The following CD96 variants were observed in gnomAD, a reference collection of about 807,000 sequenced individuals.
The protein encoded by CD96 is T-cell surface protein tactile.
CD96 carries 70 observed loss-of-function variants against 71.3 expected under a neutral mutation model. That is an observed-to-expected ratio of 0.98 (90% CI 0.81 to 1.20). The LOEUF (loss-of-function observed/expected upper bound fraction) is 1.20, where lower values mean the gene tolerates loss of function less well. Ranked by LOEUF, CD96 falls within the 50% of genes most tolerant of loss-of-function variation. CD96 has a pLI of 0.00. For missense variants in CD96, 742 were observed against 677.5 expected, an observed-to-expected ratio of 1.10 and a Z score of -1.06; for synonymous variants, 248 against 233.0, an observed-to-expected ratio of 1.06 and a Z score of -0.59.
chr3:111,614,754 G>A (rs1172127696), intron 8 of CD96, among the ~76,000 whole-genome samples: 2 of 152,114 alleles, frequency 1.3e-5, no homozygotes, highest in African/African-American at 4.8e-5. Flanking sequence ...AACCAACCAT[G>A]GACTCCTAAT....
At chr3:111,545,883 G>T (rs1464468597) in intron 2 of CD96, among the ~76,000 whole-genome samples, 4 of 152,160 alleles carry the variant, frequency 2.6e-5, no homozygotes, top group African/African-American at 9.6e-5. Context: ...TGTTGGACCT[G>T]GTCAGCTTCC....
At chr3:111,615,218 G>A (rs1938169069) in intron 8 of CD96, among the ~76,000 whole-genome samples, 1 of 152,220 alleles carries the variant, frequency 6.6e-6, no homozygotes, top group Admixed American at 6.5e-5. Context: ...AACATGATGA[G>A]GTGATGGTTA....
chr3:111,580,585 A>G (rs1389674449), intron 4 of CD96, among the ~76,000 whole-genome samples: 2 of 152,212 alleles, frequency 1.3e-5, no homozygotes, highest in African/African-American at 4.8e-5. Context: ...ATTATTTGGA[A>G]TTGTATTGCC....
chr3:111,659,015 G>C (rs1940295239), intron 14 of CD96, among the ~76,000 whole-genome samples: 1 of 152,116 alleles, frequency 6.6e-6, no homozygotes, highest in South Asian at 2.1e-4. Context: ...ATTGGGTCCA[G>C]GGCTTCTTTT....
chr3:111,584,242 T>A (rs958337787), intron 4 of CD96, among the ~76,000 whole-genome samples: 13 of 152,178 alleles, frequency 8.5e-5, no homozygotes, highest in Non-Finnish European at 1.2e-4. Context: ...AAGTTCCTCA[T>A]CTCTATCTGA....
intron 5 of CD96, among the ~76,000 whole-genome samples, chr3:111,592,101 C>T (rs1196539899): frequency 2.0e-5 from 3 of 152,162 alleles, no homozygotes; most frequent in African/African-American, 7.2e-5. Flanking sequence ...TCCCAACCCA[C>T]ATTATGTTTT....
chr3:111,638,665 C>G (rs1939450280), intron 12 of CD96, among the ~76,000 whole-genome samples: 1 of 152,006 alleles, frequency 6.6e-6, no homozygotes, highest in African/African-American at 2.4e-5. Flanking sequence ...AAGTTAGGAC[C>G]CTCCTAATGA....
At chr3:111,599,046 G>A (rs1436933520) in intron 6 of CD96, among the ~76,000 whole-genome samples, 4 of 152,052 alleles carry the variant, frequency 2.6e-5, no homozygotes, top group Non-Finnish European at 5.9e-5. Flanking sequence ...TCGGCTCATT[G>A]CAAGCTCCGC....
At position 111,593,642 on chromosome 3, in the gene CD96, G is replaced by A. The variant is rs149370111; in HGVS notation, c.808-4478G>A. On this transcript the variant is annotated intron_variant, in intron 5 of 13. Transcript: ENST00000352690. ...CACCTTCCACTTCATCTCCAGGATG[G>A]CCCTTTCCACCTCCTCCAGGGCTCG... is the stretch of plus-strand genomic sequence containing the variant. 4.6e-4 allele frequency: 745 copies of A among 1,604,144 alleles called. 2 individuals carry two copies. The African/African-American group carries it at 8.4e-3, about 18-fold the overall frequency.
chr3:111,573,316 A>T (rs961041636), intron 3 of CD96, among the ~76,000 whole-genome samples: 2 of 152,210 alleles, frequency 1.3e-5, no homozygotes, highest in African/African-American at 4.8e-5. Context: ...ATCTGTTTTG[A>T]GCACTAAGTC....
chr3:111,662,364 A>T (rs781340005), intron 14 of CD96, among the ~76,000 whole-genome samples: 1 of 152,210 alleles, frequency 6.6e-6, no homozygotes, highest in African/African-American at 2.4e-5. Context: ...ATTAACATTC[A>T]GCTCTTCTTT....
At chr3:111,611,047 C>T (rs1229860972) in intron 8 of CD96, among the ~76,000 whole-genome samples, 4 of 152,178 alleles carry the variant, frequency 2.6e-5, no homozygotes, top group Non-Finnish European at 5.9e-5. Flanking sequence ...TGCCTTGCCT[C>T]CTGTTTTACT....
chr3:111,639,342 C>T (rs756660389), intron 12 of CD96, among the ~76,000 whole-genome samples: 2 of 152,044 alleles, frequency 1.3e-5, no homozygotes, highest in Non-Finnish European at 2.9e-5. Context: ...TTCGGTGAGG[C>T]CTGTGACTGC....
chr3:111,565,445 C>G (rs1385108957), intron 2 of CD96, among the ~76,000 whole-genome samples: 2 of 152,020 alleles, frequency 1.3e-5, no homozygotes, highest in African/African-American at 2.4e-5. Flanking sequence ...AAATGTAATA[C>G]TTATGTATTT....
At chr3:111,648,187 A>G (rs185304272) in intron 13 of CD96, among the ~76,000 whole-genome samples, 1 of 152,290 alleles carries the variant, frequency 6.6e-6, no homozygotes, top group Non-Finnish European at 1.5e-5. Flanking sequence ...GTCTTATTGA[A>G]ATATTTTCCA....
rs183241543 is a variant in CD96 at position 111,605,747 on chromosome 3, C to T, written c.1088-953C>T. Reference sequence around the variant, plus strand: ...TCTAGCTTAGAAAAACCAATTCCTCCCACGGGGCTATGTGCTATCAAGTGA... The same window carrying T: ...TCTAGCTTAGAAAAACCAATTCCTCTCACGGGGCTATGTGCTATCAAGTGA... On this transcript the variant is annotated intron_variant, in intron 7 of 13. Coordinates refer to ENST00000352690, the MANE Select transcript of CD96 (RefSeq NM_005816.5). 3.3e-5 allele frequency among the ~76,000 whole-genome samples: 5 copies of T among 152,216 alleles called. No individual in the cohort carries two copies. The East Asian group carries it at 9.6e-4, about 29-fold the overall frequency.
chr3:111,567,581 G>A lies in CD96; in HGVS notation c.477G>A (p.Leu159=), dbSNP rs1174602293. The change falls in exon 3 of 14, where the codon CTG becomes CTA. Residue 159 remains leucine, a synonymous_variant. Transcript: ENST00000352690. ...TAGAAATAGAGATAAATCAGACTCT[G>A]GAAATACCATGCTTTCAAAATAGCT... ...HTIEIEINQT[L]EIPCFQNSSS... 1 of 1,607,918 alleles carries A rather than the reference G, an allele frequency of 6.2e-7. No homozygotes were observed. Among genetic ancestry groups the A allele is most frequent in the Non-Finnish European group, 8.5e-7 (1 of 1,174,454 alleles).
intron 1 of CD96, among the ~76,000 whole-genome samples, chr3:111,544,423 G>A (rs975464075): frequency 5.3e-5 from 8 of 151,932 alleles, no homozygotes; most frequent in African/African-American, 7.3e-5. Context: ...GATTACAGGC[G>A]TGAGCCACTG....
At chr3:111,657,802 A>C (rs1940269687) in intron 14 of CD96, among the ~76,000 whole-genome samples, 1 of 151,764 alleles carries the variant, frequency 6.6e-6, no homozygotes, top group South Asian at 2.1e-4. Flanking sequence ...GTGTGTGTGC[A>C]TGTGTATGCG....
Sources: allele counts gnomAD v4.1 joint callset (sites outside exome capture counted in the v4.1 genomes callset), GRCh38; gene constraint gnomAD v4.1.1; transcripts MANE v1.5; gene names NCBI Gene and HGNC (gene_info 2026-07-23, HGNC 2026-07-21).